Variants in RASSF8 observed in about 807,000 individuals in gnomAD.
RASSF8 encodes Ras association domain family member 8.
A neutral mutation model predicts 48.5 loss-of-function variants in RASSF8; 22 were observed. The observed-to-expected ratio is 0.45, with a 90% CI of 0.32 to 0.65. The LOEUF is 0.65. Ranked by LOEUF, RASSF8 falls within the 30% of genes least tolerant of loss-of-function variation. The pLI is 0.03. For synonymous variants in RASSF8, 127 were observed against 171.5 expected (o/e 0.74, Z 2.03); for missense variants, 418 against 489.2 (o/e 0.85, Z 1.37).
In RASSF8 at chr12:26,069,125, C is replaced by T. The variant is rs957598676; in HGVS notation, c.*307C>T. The T allele has an allele frequency of 1.8e-5, 18 of 997,452 alleles. No individual in the cohort carries two copies. Among genetic ancestry groups the T allele is most frequent in the South Asian group, 4.6e-5 (1 of 21,658 alleles). The allele number at this position is 997,452 out of a possible 1,614,324, so 61.8% of individuals were successfully genotyped here. On this transcript the variant is annotated 3_prime_UTR_variant, in exon 6 of 6. Transcript: ENST00000689635. Reference sequence around the variant, plus strand: ...ATATAGTGTGTATACATAAATAAGCCGTGACTTAAGTAAGAGTGAAGAGAA... The same window carrying T: ...ATATAGTGTGTATACATAAATAAGCTGTGACTTAAGTAAGAGTGAAGAGAA...
chr12:26,039,143 A>G (rs1021232356), intron 2 of RASSF8, among the ~76,000 whole-genome samples: 3 of 152,204 alleles, frequency 2.0e-5, no homozygotes, highest in Non-Finnish European at 2.9e-5. Flanking sequence ...AATTTGGCAT[A>G]CTGCTCAGGT....
chr12:26,066,264 GTAGTCCA>G (rs1292755482), intron 4 of RASSF8, among the ~76,000 whole-genome samples: 1 of 152,162 alleles, frequency 6.6e-6, no homozygotes, highest in African/African-American at 2.4e-5. Flanking sequence ...GATTCAAAGT[GTAGTCCA>G]TGCCAGGCAG....
In RASSF8 at chr12:26,071,485, T is replaced by G; in HGVS notation, c.*2667T>G. On this transcript the variant is annotated 3_prime_UTR_variant, in exon 6 of 6. Coordinates refer to ENST00000689635, the MANE Select transcript of RASSF8 (RefSeq NM_001394098.1). ...AATACATTTAAAGATCTTTTTATCT[T>G]ACCAAGAAATAATTTGGAATAGCAT... is the stretch of plus-strand genomic sequence containing the variant. 1 of 957,848 alleles carries G rather than the reference T, an allele frequency of 1.0e-6. No individual in the cohort carries two copies. The highest frequency in any genetic ancestry group is 1.2e-6 in the Non-Finnish European group (1 of 804,872). The allele number at this position is 957,848 out of a possible 1,614,324, so 59.3% of individuals were successfully genotyped here. A position where few individuals can be genotyped will look rare whatever the true frequency, so the allele number is the denominator to read the frequency against.
intron 2 of RASSF8, among the ~76,000 whole-genome samples, chr12:25,997,320 T>C (rs1942156152): frequency 1.3e-5 from 2 of 152,206 alleles, no homozygotes; most frequent in South Asian, 2.1e-4. Flanking sequence ...AAACAGGACT[T>C]AGTTCTATAA....
chr12:26,062,009 T>C (rs1341681804), intron 3 of RASSF8, among the ~76,000 whole-genome samples: 1 of 152,212 alleles, frequency 6.6e-6, no homozygotes, highest in African/African-American at 2.4e-5. Flanking sequence ...TTTTTAATTA[T>C]GAATAAATTA....
At chr12:25,976,418 CTT>C (rs79016545) in intron 1 of RASSF8, among the ~76,000 whole-genome samples, 17,120 of 152,232 alleles carry the variant, frequency 0.11, 1,289 homozygotes, top group Admixed American at 0.19. Flanking sequence ...AGAAGTATAA[CTT>C]TGTAACTTCA....
chr12:26,057,100 T>TTGTGTGTGTG (rs57510363), intron 3 of RASSF8, among the ~76,000 whole-genome samples: 3,340 of 128,918 alleles, frequency 0.026, 71 homozygotes, highest in African/African-American at 0.053. Context: ...AATGACACTT[T>TTGTGTGTGTG]TGTGTGTGTG....
chr12:26,017,443 A>G (rs1175534680), intron 2 of RASSF8, among the ~76,000 whole-genome samples: 1 of 152,220 alleles, frequency 6.6e-6, no homozygotes, highest in Non-Finnish European at 1.5e-5. Flanking sequence ...AAGAGCTACT[A>G]CTACTAAGGC....
At chr12:25,983,601 G>T (rs1040993850) in intron 1 of RASSF8, among the ~76,000 whole-genome samples, 1 of 152,000 alleles carries the variant, frequency 6.6e-6, no homozygotes, top group South Asian at 2.1e-4. Flanking sequence ...CCATAGTTTC[G>T]AAGGAAACTG....
intron 1 of RASSF8, among the ~76,000 whole-genome samples, chr12:25,983,975 A>G (rs1359509936): frequency 1.3e-5 from 2 of 152,174 alleles, no homozygotes; most frequent in Non-Finnish European, 2.9e-5. Context: ...GTTCTAAAAG[A>G]TTTTATGTAG....
intron 1 of RASSF8, among the ~76,000 whole-genome samples, chr12:25,962,013 C>T (rs151076755): frequency 1.3e-5 from 2 of 152,130 alleles, no homozygotes; most frequent in African/African-American, 4.8e-5. Flanking sequence ...CTCCTGCACA[C>T]ACTCTGCACC....
At chr12:25,968,496 C>T (rs1320719588) in intron 1 of RASSF8, among the ~76,000 whole-genome samples, 1 of 152,206 alleles carries the variant, frequency 6.6e-6, no homozygotes, top group African/African-American at 2.4e-5. Context: ...GCATGTACCA[C>T]CACACCCAGC....
intron 2 of RASSF8, among the ~76,000 whole-genome samples, chr12:26,049,076 G>A (rs7133954): frequency 0.013 from 1,991 of 152,214 alleles, 45 homozygotes; most frequent in African/African-American, 0.046. Flanking sequence ...TCTTTTTTAA[G>A]GTATGGTGTT....
downstream of RASSF8, among the ~76,000 whole-genome samples, chr12:26,073,813 TATACAC>T (rs561793591): frequency 0.049 from 5,284 of 107,014 alleles, 368 homozygotes; most frequent in African/African-American, 0.19. Context: ...CACACATATA[TATACAC>T]ATACACACAC....
At chr12:25,988,824 CA>C (rs1941948506) in intron 1 of RASSF8, among the ~76,000 whole-genome samples, 1 of 152,142 alleles carries the variant, frequency 6.6e-6, no homozygotes. Context: ...TGGGTCTAAA[CA>C]AGTAACAAAA....
At chr12:26,058,538 G>GCGCACACACA (rs377669426) in intron 3 of RASSF8, among the ~76,000 whole-genome samples, 17 of 148,998 alleles carry the variant, frequency 1.1e-4, no homozygotes, top group African/African-American at 4.2e-4. Context: ...ACGCGCGCGC[G>GCGCACACACA]CACACACACA....
intron 1 of RASSF8, among the ~76,000 whole-genome samples, chr12:25,962,598 C>G (rs977033139): frequency 5.4e-5 from 8 of 149,320 alleles, no homozygotes; most frequent in African/African-American, 2.0e-4. Context: ...GTATCTTTAT[C>G]TTTTTTTTTT....
At chr12:26,002,130 C>G (rs10431215) in intron 2 of RASSF8, among the ~76,000 whole-genome samples, 1 of 151,930 alleles carries the variant, frequency 6.6e-6, no homozygotes, top group Non-Finnish European at 1.5e-5. Flanking sequence ...TATATAATTA[C>G]AATATATAAC....
chr12:25,978,146 A>G (rs1291237357), intron 1 of RASSF8, among the ~76,000 whole-genome samples: 1 of 152,216 alleles, frequency 6.6e-6, no homozygotes, highest in African/African-American at 2.4e-5. Flanking sequence ...GAACTCTTCT[A>G]ACACAATTTT....
Sources: allele counts gnomAD v4.1 joint callset (sites outside exome capture counted in the v4.1 genomes callset), GRCh38; gene constraint gnomAD v4.1.1; transcripts MANE v1.5; gene names NCBI Gene and HGNC (gene_info 2026-07-23, HGNC 2026-07-21).